RPTOR: variants seen among roughly 807,000 people sequenced by gnomAD.
RPTOR encodes the protein regulatory associated protein of MTOR complex 1.
A neutral mutation model predicts 169.9 loss-of-function variants in RPTOR; 21 were observed. That is an observed-to-expected ratio of 0.12 (90% CI 0.09 to 0.18). The LOEUF (loss-of-function observed/expected upper bound fraction) is 0.18. Among genes scored for constraint, RPTOR ranks in the 10% least tolerant of loss-of-function variants. The pLI, the probability that RPTOR is intolerant of heterozygous loss-of-function variation, is 1.00. For missense variants in RPTOR, 1,133 were observed against 1,855.9 expected, an observed-to-expected ratio of 0.61 and a Z score of 7.16; for synonymous variants, 732 against 753.2, an observed-to-expected ratio of 0.97 and a Z score of 0.46.
chr17:80,667,561 T>C (rs7218924), intron 3 of RPTOR, among the ~76,000 whole-genome samples: 95,293 of 152,160 alleles, frequency 0.63, 31,252 homozygotes, highest in African/African-American at 0.83. Context: ...AGTTGCATAA[T>C]TTATCTTCCC....
chr17:80,873,609 C>T (rs986876610), intron 13 of RPTOR, among the ~76,000 whole-genome samples: 6 of 152,080 alleles, frequency 3.9e-5, no homozygotes, highest in South Asian at 4.2e-4. Context: ...GGGCCCCAGG[C>T]GGAGAGGACA....
chr17:80,886,804 C>G (rs904813738), intron 17 of RPTOR, among the ~76,000 whole-genome samples: 35 of 152,172 alleles, frequency 2.3e-4, no homozygotes, highest in African/African-American at 8.0e-4. Flanking sequence ...GTGCTGCCAA[C>G]CGGGACGCAG....
chr17:80,598,776 C>T (rs533785996), intron 1 of RPTOR, among the ~76,000 whole-genome samples: 1 of 152,324 alleles, frequency 6.6e-6, no homozygotes, highest in African/African-American at 2.4e-5. Flanking sequence ...CTGATACCGT[C>T]ACAGTAGAAT....
intron 17 of RPTOR, among the ~76,000 whole-genome samples, chr17:80,891,070 CA>C (rs1267638882): frequency 3.3e-5 from 5 of 152,184 alleles, no homozygotes; most frequent in Non-Finnish European, 7.3e-5. Flanking sequence ...TTCTGTTCCC[CA>C]GTGACTTCTA....
Position 80,634,274 on chromosome 17 carries a change from C to CATACT in RPTOR, c.265+8481_265+8482insATACT, listed in dbSNP as rs1567830446. Among the ~76,000 whole-genome samples the CATACT allele has an allele frequency of 5.3e-4, 65 of 123,270 alleles. 6 individuals are homozygous for CATACT. The highest frequency in any genetic ancestry group is 7.9e-4 in the South Asian group (3 of 3,784). The allele number at this position is 123,270 out of a possible 152,430, so 80.9% of individuals were successfully genotyped here. On this transcript the variant is annotated intron_variant, in intron 2 of 33. Transcript: ENST00000306801. ...TGTATGCGTGCATACCGTGTGTGTG[C>CATACT]GTACTGTGTGTGTGCGTACTGTGTG...
intron 4 of RPTOR, among the ~76,000 whole-genome samples, chr17:80,727,003 G>C (rs940228845): frequency 2.6e-5 from 4 of 152,162 alleles, no homozygotes; most frequent in African/African-American, 7.2e-5. Context: ...CCAGGAGGAA[G>C]CGTGCTCAAG....
intron 30 of RPTOR, 124 bp from the exon 31 acceptor site, chr17:80,961,270 C>T (rs2069336494): frequency 1.1e-5 from 9 of 817,450 alleles, no homozygotes; most frequent in African/African-American, 5.1e-5. Flanking sequence ...TCGTGGGGAG[C>T]GGACGGGCGA....
intron 6 of RPTOR, among the ~76,000 whole-genome samples, chr17:80,761,478 G>A (rs545100944): frequency 2.0e-5 from 3 of 152,294 alleles, no homozygotes; most frequent in African/African-American, 7.2e-5. Flanking sequence ...CGCAGGAGAC[G>A]GAAGATGCAT....
rs186781437 is a variant in RPTOR, at chr17:80,728,781, G to A, written c.508-1779G>A. The stretch of plus-strand genomic sequence containing the variant: ...CTATATAATCATCTTGTTAAATTCC[G>A]TGAATGGAAAAAACCCAGAAGGTAT... On this transcript the variant is annotated intron_variant, in intron 4 of 33. Coordinates refer to ENST00000306801, the MANE Select transcript of RPTOR (RefSeq NM_020761.3). Among the ~76,000 whole-genome samples the A allele has an allele frequency of 3.4e-4, 51 of 149,548 alleles. No homozygotes were observed. The East Asian group carries it at 6.2e-3, about 18-fold the overall frequency.
intron 1 of RPTOR, among the ~76,000 whole-genome samples, chr17:80,612,554 T>G (rs28580470): frequency 0.047 from 7,109 of 152,342 alleles, 536 homozygotes; most frequent in African/African-American, 0.16. Context: ...ATTCTGATTT[T>G]CAGCCTTTGC....
intron 6 of RPTOR, among the ~76,000 whole-genome samples, chr17:80,786,807 G>A (rs1354325958): frequency 5.3e-5 from 8 of 152,186 alleles, no homozygotes; most frequent in South Asian, 2.1e-4. Flanking sequence ...AAACATGTAC[G>A]GAGGCAGCCT....
At chr17:80,872,243 C>T (rs1338895300) in intron 13 of RPTOR, among the ~76,000 whole-genome samples, 1 of 152,182 alleles carries the variant, frequency 6.6e-6, no homozygotes, top group African/African-American at 2.4e-5. Flanking sequence ...GAGGGGACTC[C>T]GGGTGATGCT....
chr17:80,961,433 G>A lies in RPTOR; in HGVS notation c.3645G>A (p.Val1215=). Residue 1215 remains valine (V), a synonymous_variant, in exon 31 of 34, where the codon GTG becomes GTA. Transcript: ENST00000306801. ...MTYREHTAWV[V]KASLQKRPDG... is the part of the protein sequence containing the mutation. ...ACCGGGAGCACACAGCCTGGGTGGT[G>A]AAGGCCTCCCTGCAGAAGCGTCCCG... The A allele has an allele frequency of 6.4e-7, 1 of 1,551,632 alleles. No homozygotes were observed. Among genetic ancestry groups the A allele is most frequent in the African/African-American group, 1.4e-5 (1 of 73,244 alleles).
At chr17:80,908,369 A>T (rs1474143200) in intron 20 of RPTOR, among the ~76,000 whole-genome samples, 2 of 152,150 alleles carry the variant, frequency 1.3e-5, no homozygotes, top group Non-Finnish European at 2.9e-5. Context: ...GTGGGCAGGA[A>T]GCACTCCCTG....
At chr17:80,718,841 A>G (rs2066260915) in intron 4 of RPTOR, among the ~76,000 whole-genome samples, 1 of 152,202 alleles carries the variant, frequency 6.6e-6, no homozygotes, top group Non-Finnish European at 1.5e-5. Flanking sequence ...GGGCTTAGAT[A>G]AATCCTTTTG....
At chr17:80,610,524 T>G (rs2065262646) in intron 1 of RPTOR, among the ~76,000 whole-genome samples, 1 of 151,952 alleles carries the variant, frequency 6.6e-6, no homozygotes, top group Non-Finnish European at 1.5e-5. Context: ...GGTGTGGAGG[T>G]GCCTAATAGG....
chr17:80,669,451 C>A (rs2065805395), intron 3 of RPTOR, among the ~76,000 whole-genome samples: 1 of 152,218 alleles, frequency 6.6e-6, no homozygotes, highest in Non-Finnish European at 1.5e-5. Context: ...GTGGCGCGAT[C>A]TCAGCTCACC....
At position 80,959,312 on chromosome 17, in the gene RPTOR, G is replaced by C. The variant is rs2069302330; in HGVS notation, c.3478-766G>C. ...GTGGACACCCTGATCCTCAGGGTCT[G>C]GTCACCAGTGGGGGCTTAGAGGCCC... On this transcript the variant is annotated intron_variant, in intron 29 of 33. Transcript: ENST00000306801. The surrounding 1 kb of genome is among the most constrained non-coding windows in gnomAD (Gnocchi z 6.7). Among the ~76,000 whole-genome samples, 1 of 152,178 alleles carries C rather than the reference G, an allele frequency of 6.6e-6. No homozygotes were observed. Among genetic ancestry groups the C allele is most frequent in the Non-Finnish European group, 1.5e-5 (1 of 68,022 alleles).
intron 10 of RPTOR, among the ~76,000 whole-genome samples, chr17:80,840,539 G>C (rs1320054161): frequency 1.6e-5 from 2 of 126,082 alleles, no homozygotes; most frequent in African/African-American, 6.5e-5. Context: ...CTCACCGCAC[G>C]GCAGCTCACT....
Sources: allele counts gnomAD v4.1 joint callset (sites outside exome capture counted in the v4.1 genomes callset), GRCh38; gene constraint gnomAD v4.1.1; non-coding constraint Gnocchi (gnomAD v3.1); transcripts MANE v1.5; gene names NCBI Gene and HGNC (gene_info 2026-07-23, HGNC 2026-07-21).